OXR1: variants seen among roughly 807,000 people sequenced by gnomAD.
OXR1 encodes the protein oxidation resistance protein 1.
OXR1 carries 41 observed loss-of-function variants against 104.6 expected under a neutral mutation model. The observed-to-expected ratio is 0.39, with a 90% CI of 0.31 to 0.51. The LOEUF (loss-of-function observed/expected upper bound fraction) is 0.51, where lower values mean the gene tolerates loss of function less well. Ranked by LOEUF, OXR1 falls within the 20% of genes least tolerant of loss-of-function variation. OXR1 has a pLI of 0.77. For synonymous variants in OXR1, 348 were observed against 348.4 expected (o/e 1.00, Z 0.01); for missense variants, 955 against 1,031.9 (o/e 0.93, Z 1.02).
Position 106,635,471 on chromosome 8 carries a change from G to A in OXR1, c.221-43739G>A, listed in dbSNP as rs115729389. Among the ~76,000 whole-genome samples, 1,229 of 152,118 alleles carry A rather than the reference G, an allele frequency of 8.1e-3. 16 individuals are homozygous for A. The highest frequency in any genetic ancestry group is 0.028 in the African/African-American group (1,177 of 41,520). On this transcript the variant is annotated intron_variant, in intron 3 of 16. Transcript: ENST00000517566. ...TTTTTGTTTTTGTTTTTTTGACATA[G>A]TCTTGTTCTGTGGTCCAGGCTGGAG...
intron 2 of OXR1, among the ~76,000 whole-genome samples, chr8:106,480,878 T>G (rs1257425931): frequency 6.6e-6 from 1 of 151,966 alleles, no homozygotes; most frequent in Non-Finnish European, 1.5e-5. Flanking sequence ...GTCATATGAA[T>G]CCAAGGAAGA....
rs149561439 is a variant in OXR1, at chr8:106,714,277, A to G, written c.1956+292A>G. On this transcript the variant is annotated intron_variant, in intron 11 of 16. Transcript: ENST00000517566. ...TTAGGAAAGATTAACATTATGGCAA[A>G]GAAGGAAATAATTTTAATTTTGCTG... Among the ~76,000 whole-genome samples the G allele has an allele frequency of 6.0e-3, 920 of 152,136 alleles. 7 individuals carry two copies. The highest frequency in any genetic ancestry group is 0.02 in the African/African-American group (838 of 41,568).
chr8:106,275,180 A>G (rs553006406), intron 1 of OXR1, among the ~76,000 whole-genome samples: 1 of 152,370 alleles, frequency 6.6e-6, no homozygotes, highest in South Asian at 2.1e-4. Context: ...ATTAAAGGGA[A>G]AACAGTTACA....
intron 11 of OXR1, among the ~76,000 whole-genome samples, chr8:106,728,001 A>C (rs1003666255): frequency 6.6e-6 from 1 of 152,072 alleles, no homozygotes; most frequent in African/African-American, 2.4e-5. Flanking sequence ...AGTTTTTCTG[A>C]AATAGAACAA....
chr8:106,543,015 A>G (rs1004026823), intron 3 of OXR1, among the ~76,000 whole-genome samples: 2 of 152,156 alleles, frequency 1.3e-5, no homozygotes, highest in African/African-American at 4.8e-5. Flanking sequence ...TTAAGACACA[A>G]TTCTGAGCTC....
intron 3 of OXR1, among the ~76,000 whole-genome samples, chr8:106,528,681 TA>T (rs1352126947): frequency 1.3e-5 from 2 of 152,112 alleles, no homozygotes; most frequent in African/African-American, 4.8e-5. Flanking sequence ...AAGATAACCC[TA>T]AAGTAACAAT....
At chr8:106,272,427 C>T (rs1811857734) in intron 1 of OXR1, 1 of 152,180 alleles carries the variant, frequency 6.6e-6, no homozygotes, top group Non-Finnish European at 1.5e-5. Context: ...TCTAAGAGGG[C>T]TGGTCTCATA....
chr8:106,353,710 T>C (rs1194623472), intron 1 of OXR1, among the ~76,000 whole-genome samples: 1 of 152,122 alleles, frequency 6.6e-6, no homozygotes, highest in Non-Finnish European at 1.5e-5. Flanking sequence ...AACATGTCCA[T>C]TACCTCACTA....
At chr8:106,655,479 A>G (rs1281881229) in intron 3 of OXR1, among the ~76,000 whole-genome samples, 1 of 152,148 alleles carries the variant, frequency 6.6e-6, no homozygotes, top group Admixed American at 6.5e-5. Context: ...CACAGACAAC[A>G]TAATTAGACT....
intron 2 of OXR1, among the ~76,000 whole-genome samples, chr8:106,413,798 A>G (rs1405796046): frequency 1.3e-5 from 2 of 150,476 alleles, no homozygotes; most frequent in Non-Finnish European, 3.0e-5. Context: ...ATCTCAGCCC[A>G]CTACAAACTC....
intron 7 of OXR1, among the ~76,000 whole-genome samples, chr8:106,698,422 G>A (rs1401207210): frequency 1.3e-5 from 2 of 151,942 alleles, no homozygotes; most frequent in African/African-American, 4.8e-5. Context: ...GGTTCTGTAG[G>A]TTTATAGTTC....
chr8:106,598,899 A>G (rs2130741316), intron 3 of OXR1, among the ~76,000 whole-genome samples: 1 of 152,352 alleles, frequency 6.6e-6, no homozygotes, highest in East Asian at 1.9e-4. Context: ...AAGCAAATAT[A>G]ATTACCTGAA....
chr8:106,407,180 T>G (rs904886802), intron 2 of OXR1, among the ~76,000 whole-genome samples: 1 of 152,188 alleles, frequency 6.6e-6, no homozygotes, highest in Non-Finnish European at 1.5e-5. Context: ...TAATGTATAC[T>G]TATGTATGTA....
At chr8:106,543,497 G>A (rs1213248863) in intron 3 of OXR1, among the ~76,000 whole-genome samples, 4 of 152,122 alleles carry the variant, frequency 2.6e-5, no homozygotes, top group Non-Finnish European at 5.9e-5. Flanking sequence ...TTAGAGAGGA[G>A]AGTTGATTTC....
At chr8:106,621,408 AC>A (rs1821686005) in intron 3 of OXR1, among the ~76,000 whole-genome samples, 1 of 152,046 alleles carries the variant, frequency 6.6e-6, no homozygotes. Context: ...CTATGACGGC[AC>A]CAATTCACTC....
At chr8:106,691,861 G>A (rs1177580727) in intron 6 of OXR1, among the ~76,000 whole-genome samples, 1 of 150,538 alleles carries the variant, frequency 6.6e-6, no homozygotes, top group East Asian at 1.9e-4. Flanking sequence ...ACTGGTTTGT[G>A]TGTTGATAAC....
In OXR1 at chr8:106,710,750, G is replaced by C; in HGVS notation, c.1753G>C (p.Asp585His). ...TACAATGCAACAGTATGCACAGAGA[G>C]ATAAGAAACATGAATATTGGTTTGC... ...SATMQQYAQRDKKHEYWFAVP... is the reference protein window; with the variant it reads ...SATMQQYAQRHKKHEYWFAVP... Residue 585 changes from aspartate to histidine, a missense_variant, in exon 10 of 17, where the codon GAT becomes CAT. Physicochemically the swap from Asp to His is moderately conservative, Grantham distance 81. Coordinates refer to ENST00000517566, the MANE Select transcript of OXR1 (RefSeq NM_001198533.2). The C allele has an allele frequency of 2.6e-6, 4 of 1,561,254 alleles. No individual in the cohort carries two copies. Among genetic ancestry groups the C allele is most frequent in the Non-Finnish European group, 2.6e-6 (3 of 1,153,110 alleles).
At chr8:106,532,123 G>T (rs1007222584) in intron 3 of OXR1, among the ~76,000 whole-genome samples, 2 of 152,206 alleles carry the variant, frequency 1.3e-5, no homozygotes, top group Non-Finnish European at 2.9e-5. Flanking sequence ...AGTCTTGTGT[G>T]CTACACCATG....
At chr8:106,573,344 T>TACACACACACACAC (rs3046716) in intron 3 of OXR1, among the ~76,000 whole-genome samples, 2 of 146,644 alleles carry the variant, frequency 1.4e-5, no homozygotes, top group African/African-American at 5.0e-5. Context: ...AACCATCACA[T>TACACACACACACAC]ACACACACAC....
Sources: allele counts gnomAD v4.1 joint callset (sites outside exome capture counted in the v4.1 genomes callset), GRCh38; gene constraint gnomAD v4.1.1; transcripts MANE v1.5; gene names NCBI Gene and HGNC (gene_info 2026-07-23, HGNC 2026-07-21).